Variants in COP1 observed in about 807,000 individuals in gnomAD.
The protein encoded by COP1 is COP1 E3 ubiquitin ligase.
In COP1, 24 loss-of-function variants were observed where a neutral mutation model predicts 101.3. The observed-to-expected ratio is 0.24, with a 90% CI of 0.17 to 0.33. COP1 has a LOEUF of 0.33. COP1 is among the 10% of genes least tolerant of loss of function. The pLI is 1.00. For synonymous variants in COP1, 347 were observed against 341.9 expected (o/e 1.01, Z -0.17); for missense variants, 663 against 906.2 (o/e 0.73, Z 3.45).
At chr1:176,098,709 A>G (rs1316975404) in intron 9 of COP1, among the ~76,000 whole-genome samples, 2 of 152,218 alleles carry the variant, frequency 1.3e-5, no homozygotes, top group African/African-American at 4.8e-5. Context: ...CAAATTTCTG[A>G]GTCATCATTT....
chr1:175,996,050 T>C (rs1398981161), intron 15 of COP1, among the ~76,000 whole-genome samples: 1 of 152,124 alleles, frequency 6.6e-6, no homozygotes, highest in African/African-American at 2.4e-5. Flanking sequence ...TTATCCACCA[T>C]GATCAAGTGG....
chr1:176,154,798 A>G (rs1272162018), intron 5 of COP1, among the ~76,000 whole-genome samples: 3 of 152,226 alleles, frequency 2.0e-5, no homozygotes, highest in Admixed American at 6.5e-5. Flanking sequence ...GTTAAATACA[A>G]AAAGACTGAA....
rs10680105 is a variant in COP1, at chr1:176,048,195, C to CTTTT, written c.1278-1875_1278-1872dup. On this transcript the variant is annotated intron_variant, in intron 11 of 19. Transcript: ENST00000367669. ...TATAATTTTTTAAAGAATTAAAATT[C>CTTTT]TTTTTTTTTTTTTTTTTTACAGAGA... is the stretch of plus-strand genomic sequence containing the variant. 1.4e-3 allele frequency among the ~76,000 whole-genome samples: 173 copies of CTTTT among 126,582 alleles called. 5 individuals are homozygous for CTTTT. Among genetic ancestry groups the CTTTT allele is most frequent in the South Asian group, 0.012 (46 of 3,910 alleles). The allele number at this position is 126,582 out of a possible 152,430, so 83.0% of individuals were successfully genotyped here.
intron 14 of COP1, among the ~76,000 whole-genome samples, chr1:176,037,155 C>T (rs986390081): frequency 6.6e-6 from 1 of 152,148 alleles, no homozygotes; most frequent in Non-Finnish European, 1.5e-5. Flanking sequence ...GTAATCCCAG[C>T]ACTTTGGGAG....
chr1:176,046,651 T>C (rs1426042169), intron 11 of COP1, among the ~76,000 whole-genome samples: 1 of 152,116 alleles, frequency 6.6e-6, no homozygotes, highest in Non-Finnish European at 1.5e-5. Context: ...TCATTTGATA[T>C]ACTAAAAGTA....
At chr1:176,042,127 C>G (rs930972925) in intron 14 of COP1, among the ~76,000 whole-genome samples, 1 of 150,784 alleles carries the variant, frequency 6.6e-6, no homozygotes, top group Admixed American at 6.6e-5. Flanking sequence ...AAAAATTAGC[C>G]GAGTGTGGCG....
chr1:175,947,931 T>C (rs1649393477), intron 18 of COP1, among the ~76,000 whole-genome samples: 1 of 152,228 alleles, frequency 6.6e-6, no homozygotes, highest in African/African-American at 2.4e-5. Context: ...TCATTTTCTC[T>C]CATAAAATAC....
chr1:176,161,959 GCTC>G (rs1392864560), intron 5 of COP1, among the ~76,000 whole-genome samples: 2 of 152,172 alleles, frequency 1.3e-5, no homozygotes, highest in African/African-American at 4.8e-5. Context: ...GGAAACAAAA[GCTC>G]CTTTTTTTCT....
At chr1:176,010,962 C>A (rs1664555365) in intron 15 of COP1, among the ~76,000 whole-genome samples, 1 of 152,080 alleles carries the variant, frequency 6.6e-6, no homozygotes. Flanking sequence ...AGCCTGAGGA[C>A]AGATTAAAGT....
intron 9 of COP1, among the ~76,000 whole-genome samples, chr1:176,114,044 C>A (rs923281837): frequency 4.6e-5 from 7 of 150,990 alleles, no homozygotes; most frequent in African/African-American, 1.7e-4. Flanking sequence ...CTTCATCAGT[C>A]ACAGGGAGTA....
intron 1 of COP1, among the ~76,000 whole-genome samples, chr1:176,198,346 A>G (rs1299629957): frequency 1.3e-5 from 2 of 152,170 alleles, no homozygotes; most frequent in Admixed American, 1.3e-4. Context: ...TATATGGTTA[A>G]TTTTTGAGAA....
rs116476151 is a variant in COP1 at position 176,204,814 on chromosome 1, A to G, written c.407+1758T>C. On this transcript the variant is annotated intron_variant, in intron 1 of 19. Coordinates refer to ENST00000367669, the MANE Select transcript of COP1 (RefSeq NM_022457.7). ...GTGGCAGGTGCCTGTAATCCCAGCT[A>G]CTACTCGGGAGGCTGAGGCTGGAGA... 4.4e-3 allele frequency among the ~76,000 whole-genome samples: 670 copies of G among 152,210 alleles called. 5 individuals are homozygous for G. The highest frequency in any genetic ancestry group is 6.8e-3 in the Middle Eastern group (2 of 294).
chr1:176,109,090 G>A (rs568215789), intron 9 of COP1, among the ~76,000 whole-genome samples: 2 of 152,090 alleles, frequency 1.3e-5, no homozygotes, highest in Admixed American at 1.3e-4. Flanking sequence ...CCAGCCTGGC[G>A]ACAGAGTGAG....
chr1:176,074,142 G>A (rs1188346971), intron 11 of COP1, among the ~76,000 whole-genome samples: 1 of 152,284 alleles, frequency 6.6e-6, no homozygotes, highest in African/African-American at 2.4e-5. Context: ...GGCCAGGCTG[G>A]TCTGGAACTC....
chr1:176,084,212 T>A (rs761968602), intron 10 of COP1, among the ~76,000 whole-genome samples: 20 of 152,128 alleles, frequency 1.3e-4, no homozygotes, highest in Non-Finnish European at 2.5e-4. Flanking sequence ...TGGGCTACTT[T>A]CAACTTAACA....
At chr1:175,957,727 T>C (rs1277254091) in intron 18 of COP1, among the ~76,000 whole-genome samples, 3 of 152,232 alleles carry the variant, frequency 2.0e-5, no homozygotes, top group East Asian at 1.9e-4. Context: ...TAAACACTTA[T>C]TTATGAATGT....
chr1:176,089,215 C>T (rs1387354374), intron 9 of COP1, among the ~76,000 whole-genome samples: 1 of 151,952 alleles, frequency 6.6e-6, no homozygotes, highest in Non-Finnish European at 1.5e-5. Flanking sequence ...ATCACTTGAA[C>T]CAGGGCTGCA....
chr1:175,976,322 G>T (rs1448593765), intron 18 of COP1, among the ~76,000 whole-genome samples: 12 of 108,956 alleles, frequency 1.1e-4, no homozygotes, highest in African/African-American at 4.0e-4. Context: ...CTGTTGCCCA[G>T]GCTGGAATGT....
At chr1:176,045,555 A>T (rs916452741) in intron 12 of COP1, among the ~76,000 whole-genome samples, 1 of 151,038 alleles carries the variant, frequency 6.6e-6, no homozygotes, top group Non-Finnish European at 1.5e-5. Flanking sequence ...TGCTCATGAG[A>T]ACAGCTTGGG....
Sources: gnomAD v4.1 joint callset for allele counts (sites outside exome capture counted in the v4.1 genomes callset) on GRCh38, gnomAD v4.1.1 for gene constraint, MANE v1.5 for transcripts, NCBI Gene and HGNC (gene_info 2026-07-23, HGNC 2026-07-21) for gene names.